Variants in OSBPL8 observed in about 807,000 individuals in gnomAD.
The protein encoded by OSBPL8 is oxysterol binding protein like 8.
In OSBPL8, 59 loss-of-function variants were observed where a neutral mutation model predicts 125.5. The observed-to-expected ratio is 0.47, with a 90% confidence interval of 0.38 to 0.58. The LOEUF is 0.58. OSBPL8 is among the 20% of genes least tolerant of loss of function. The pLI is 0.00. For synonymous variants in OSBPL8, 330 were observed against 338.9 expected (o/e 0.97, Z 0.29); for missense variants, 758 against 1,047.8 (o/e 0.72, Z 3.82).
At chr12:76,456,113 T>A (rs1213470504) in intron 3 of OSBPL8, among the ~76,000 whole-genome samples, 1 of 152,214 alleles carries the variant, frequency 6.6e-6, no homozygotes, top group East Asian at 1.9e-4. Context: ...ATATAAAATT[T>A]GAAGAATTTT....
intron 1 of OSBPL8, among the ~76,000 whole-genome samples, chr12:76,514,569 G>C (rs1272389463): frequency 1.3e-5 from 2 of 152,110 alleles, no homozygotes; most frequent in African/African-American, 4.8e-5. Flanking sequence ...CTTTGCAGAT[G>C]ACCTACCTTT....
intron 1 of OSBPL8, among the ~76,000 whole-genome samples, chr12:76,511,095 T>C (rs1880940903): frequency 6.6e-6 from 1 of 152,184 alleles, no homozygotes; most frequent in Non-Finnish European, 1.5e-5. Context: ...ATAGGGATAT[T>C]AAATCCAGAC....
rs139377979 is a variant in OSBPL8, at chr12:76,417,566, C to T, written c.218-6932G>A. Among the ~76,000 whole-genome samples, 825 of 152,186 alleles carry T rather than the reference C, an allele frequency of 5.4e-3. 19 individuals are homozygous for T. The highest frequency in any genetic ancestry group is 3.0e-3 in the Non-Finnish European group (204 of 68,002). On this transcript the variant is annotated intron_variant, in intron 4 of 23. Coordinates refer to ENST00000261183, the MANE Select transcript of OSBPL8 (RefSeq NM_020841.5). ...TTCATCTTTTCCCTCCCTGCTGTATCCTGAATAATTCTTCTGACTTACTTT... is the reference window on the plus strand; with the variant it reads ...TTCATCTTTTCCCTCCCTGCTGTATTCTGAATAATTCTTCTGACTTACTTT...
chr12:76,503,200 A>G (rs1211991074), intron 1 of OSBPL8, among the ~76,000 whole-genome samples: 1 of 152,210 alleles, frequency 6.6e-6, no homozygotes, highest in Admixed American at 6.5e-5. Flanking sequence ...GGGGTAGCTT[A>G]AACAACAGAA....
At chr12:76,557,976 C>T (rs903728431) in intron 1 of OSBPL8, among the ~76,000 whole-genome samples, 7 of 152,160 alleles carry the variant, frequency 4.6e-5, no homozygotes, top group African/African-American at 1.7e-4. Flanking sequence ...CCTGTGTACA[C>T]GGTATTGCTG....
intron 1 of OSBPL8, 81 bp from the exon 2 acceptor site, chr12:76,487,699 G>T: frequency 2.0e-6 from 1 of 500,060 alleles, no homozygotes; most frequent in Non-Finnish European, 3.2e-6. Context: ...TGTTAGAAGG[G>T]AAAAATCATT....
intron 4 of OSBPL8, among the ~76,000 whole-genome samples, chr12:76,439,599 C>A (rs1871935944): frequency 6.6e-6 from 1 of 151,640 alleles, no homozygotes; most frequent in South Asian, 2.1e-4. Context: ...TCCCTAAAGG[C>A]TTGGTAGGAT....
intron 1 of OSBPL8, among the ~76,000 whole-genome samples, chr12:76,525,792 AAAAAC>A (rs747242487): frequency 1.3e-5 from 2 of 152,244 alleles, no homozygotes; most frequent in Non-Finnish European, 2.9e-5. Context: ...ACAAAAATAA[AAAAAC>A]AAAGGGAAAA....
At chr12:76,464,469 C>A (rs1875146821) in intron 2 of OSBPL8, among the ~76,000 whole-genome samples, 1 of 152,072 alleles carries the variant, frequency 6.6e-6, no homozygotes, top group African/African-American at 2.4e-5. Context: ...ATAGCCATTA[C>A]CCAAATATTT....
intron 11 of OSBPL8, 71 bp downstream of exon 11, chr12:76,390,349 T>C: frequency 8.9e-7 from 1 of 1,129,740 alleles, no homozygotes; most frequent in East Asian, 2.4e-5. Flanking sequence ...AAGCAAATAA[T>C]ATCTTCAATT....
chr12:76,519,907 C>A (rs1296288106), intron 1 of OSBPL8, among the ~76,000 whole-genome samples: 1 of 152,198 alleles, frequency 6.6e-6, no homozygotes, highest in African/African-American at 2.4e-5. Context: ...CCAGGCTCCA[C>A]TTCCAACAGT....
intron 4 of OSBPL8, among the ~76,000 whole-genome samples, chr12:76,430,828 G>A (rs1870729654): frequency 6.6e-6 from 1 of 152,114 alleles, no homozygotes; most frequent in Non-Finnish European, 1.5e-5. Context: ...AACAAAAAAT[G>A]AGGGGAGCTC....
At chr12:76,466,055 TATTGGCTTTTAAA>T (rs1875392119) in intron 2 of OSBPL8, among the ~76,000 whole-genome samples, 1 of 152,038 alleles carries the variant, frequency 6.6e-6, no homozygotes. Context: ...ATCCATTATA[TATTGGCTTTTAAA>T]AGTAGGTTAT....
At chr12:76,488,594 G>A (rs529544183) in intron 1 of OSBPL8, among the ~76,000 whole-genome samples, 2 of 152,184 alleles carry the variant, frequency 1.3e-5, no homozygotes, top group South Asian at 2.1e-4. Context: ...AGCAATCTGT[G>A]ATCAATAATC....
intron 1 of OSBPL8, among the ~76,000 whole-genome samples, chr12:76,534,569 T>C (rs542203907): frequency 5.4e-4 from 82 of 152,216 alleles, no homozygotes; most frequent in African/African-American, 1.9e-3. Flanking sequence ...AATATCTGCA[T>C]TGGAAAATAA....
At chr12:76,408,277 C>A (rs7138852) in intron 5 of OSBPL8, among the ~76,000 whole-genome samples, 1 of 150,804 alleles carries the variant, frequency 6.6e-6, no homozygotes, top group Non-Finnish European at 1.5e-5. Flanking sequence ...CTGGCTAACA[C>A]GGTGAAACCC....
Position 76,386,610 on chromosome 12 carries a change from C to A in OSBPL8, c.1403G>T (p.Trp468Leu). The change falls in exon 13 of 24, where the codon TGG (tryptophan) becomes TTG (leucine). Residue 468 changes from tryptophan to leucine, a missense_variant. Trp to Leu is a moderately conservative substitution (Grantham distance 61, BLOSUM62 -2). Transcript: ENST00000261183. Reference protein sequence around the residue: ...PYFRLKKVVKWYLSGFYKKPK... With the variant: ...PYFRLKKVVKLYLSGFYKKPK... ...CTTTTTATAGAATCCTGACAAATAC[C>A]ATTTCACTACTTTCTTCAAACGGAA... 6.2e-7 allele frequency: 1 copy of A among 1,606,488 alleles called. No homozygotes were observed. Among genetic ancestry groups the A allele is most frequent in the Non-Finnish European group, 8.5e-7 (1 of 1,176,020 alleles).
chr12:76,446,145 G>A (rs752133227), intron 4 of OSBPL8, among the ~76,000 whole-genome samples: 4 of 152,146 alleles, frequency 2.6e-5, no homozygotes, highest in Non-Finnish European at 5.9e-5. Context: ...TCAGAGACAT[G>A]AGGACCTTTA....
In OSBPL8 at chr12:76,355,822, C is replaced by T. The variant is rs1951962465; in HGVS notation, c.*67G>A. On this transcript the variant is annotated 3_prime_UTR_variant, in exon 24 of 24. Transcript: ENST00000261183. ...TTGTGATTTTTAATAAAGACCAAAC[C>T]AACTTGAACACTGGTCCCAGGCCAA... is the stretch of plus-strand genomic sequence containing the variant. 2.6e-6 allele frequency: 4 copies of T among 1,515,616 alleles called. No homozygotes were observed. Among genetic ancestry groups the T allele is most frequent in the African/African-American group, 2.8e-5 (2 of 70,536 alleles). 93.9% of individuals were successfully genotyped at this position (1,515,616 alleles called of 1,614,324 possible). A position where few individuals can be genotyped will look rare whatever the true frequency, so the allele number is the denominator to read the frequency against.
Sources: gnomAD v4.1 joint callset for allele counts (sites outside exome capture counted in the v4.1 genomes callset) on GRCh38, gnomAD v4.1.1 for gene constraint, MANE v1.5 for transcripts, NCBI Gene and HGNC (gene_info 2026-07-23, HGNC 2026-07-21) for gene names.